The following PPM1L variants were observed in gnomAD, a reference collection of about 807,000 sequenced individuals.
PPM1L encodes the protein protein phosphatase, Mg2+/Mn2+ dependent 1L, also known as protein phosphatase 1L.
Under a neutral mutation model 31.4 loss-of-function variants are expected in PPM1L, and 13 were observed. That is an observed-to-expected ratio of 0.41 (90% CI 0.27 to 0.66). The LOEUF is 0.66. PPM1L is among the 30% of genes least tolerant of loss of function. The pLI is 0.29. For missense variants in PPM1L, 326 were observed against 453.7 expected, an observed-to-expected ratio of 0.72 and a Z score of 2.56; for synonymous variants, 184 against 175.4, an observed-to-expected ratio of 1.05 and a Z score of -0.39.
intron 2 of PPM1L, among the ~76,000 whole-genome samples, chr3:161,032,898 A>C (rs1333170059): frequency 4.2e-5 from 5 of 118,868 alleles, no homozygotes; most frequent in African/African-American, 1.6e-4. Context: ...TTTAGTAGAG[A>C]TGGGGTTTCA....
At chr3:160,948,016 A>T (rs1715463093) in intron 1 of PPM1L, among the ~76,000 whole-genome samples, 1 of 152,192 alleles carries the variant, frequency 6.6e-6, no homozygotes, top group South Asian at 2.1e-4. Context: ...ATTACTTTAT[A>T]GAAGCAGTAA....
intron 1 of PPM1L, among the ~76,000 whole-genome samples, chr3:160,859,353 C>G (rs1268067770): frequency 1.6e-4 from 24 of 152,146 alleles, no homozygotes; most frequent in Non-Finnish European, 1.5e-5. Context: ...CCTTTAAGGT[C>G]TTTCCAGTTT....
intron 1 of PPM1L, among the ~76,000 whole-genome samples, chr3:160,795,892 A>G (rs1043654800): frequency 1.3e-4 from 20 of 152,168 alleles, no homozygotes; most frequent in Non-Finnish European, 2.8e-4. Context: ...CTTTGATCTC[A>G]TAGTGGCTTT....
At chr3:160,779,516 A>C (rs989507038) in intron 1 of PPM1L, among the ~76,000 whole-genome samples, 1 of 151,354 alleles carries the variant, frequency 6.6e-6, no homozygotes, top group Non-Finnish European at 1.5e-5. Flanking sequence ...TCTAACCTTC[A>C]CTCTGCTACT....
In PPM1L at chr3:160,805,890, A is replaced by G. The variant is rs911128831; in HGVS notation, c.399+49183A>G. On this transcript the variant is annotated intron_variant, in intron 1 of 3. Transcript: ENST00000498165. ...GCATTTAAAAACCTGTAAGTTTCAC[A>G]TAAGGACCAGATTCTCAGCATCTCT... 5.9e-5 allele frequency among the ~76,000 whole-genome samples: 9 copies of G among 152,312 alleles called. No homozygotes were observed. In the South Asian group the frequency reaches 6.2e-4, roughly 11 times the overall value.
At chr3:161,003,447 G>A (rs1172641988) in intron 2 of PPM1L, among the ~76,000 whole-genome samples, 10 of 151,660 alleles carry the variant, frequency 6.6e-5, no homozygotes, top group South Asian at 2.1e-4. Context: ...CCATTTTCAC[G>A]ATATTGATTC....
At chr3:160,971,592 A>T (rs773064808) in intron 2 of PPM1L, among the ~76,000 whole-genome samples, 9 of 152,330 alleles carry the variant, frequency 5.9e-5, no homozygotes, top group African/African-American at 2.2e-4. Context: ...TCAGAAAATC[A>T]TGAGAGAACC....
intron 1 of PPM1L, among the ~76,000 whole-genome samples, chr3:160,945,483 T>C (rs1195654920): frequency 6.6e-6 from 1 of 152,092 alleles, no homozygotes; most frequent in Non-Finnish European, 1.5e-5. Context: ...TGAGAAGGAA[T>C]CTCAGGGTCA....
chr3:160,769,966 G>T (rs1715207246), intron 1 of PPM1L, among the ~76,000 whole-genome samples: 1 of 152,052 alleles, frequency 6.6e-6, no homozygotes, highest in Non-Finnish European at 1.5e-5. Context: ...AGTGTACTTG[G>T]AGTAAATTCT....
chr3:160,805,599 G>A (rs1239637554), intron 1 of PPM1L, among the ~76,000 whole-genome samples: 1 of 152,138 alleles, frequency 6.6e-6, no homozygotes, highest in Non-Finnish European at 1.5e-5. Context: ...GCAGGTGCCT[G>A]TAATCCCAGC....
At chr3:160,788,780 A>G (rs974068736) in intron 1 of PPM1L, among the ~76,000 whole-genome samples, 3 of 152,070 alleles carry the variant, frequency 2.0e-5, no homozygotes, top group African/African-American at 7.2e-5. Context: ...AGCTTGCTAT[A>G]ATAATCCATC....
At chr3:160,856,009 G>A (rs1317530625) in intron 1 of PPM1L, among the ~76,000 whole-genome samples, 1 of 152,110 alleles carries the variant, frequency 6.6e-6, no homozygotes, top group African/African-American at 2.4e-5. Flanking sequence ...GCTAGTCTGA[G>A]TCCCAAAGCT....
chr3:161,039,886 A>C (rs2108088263), intron 2 of PPM1L, among the ~76,000 whole-genome samples: 1 of 152,338 alleles, frequency 6.6e-6, no homozygotes, highest in South Asian at 2.1e-4. Flanking sequence ...GCATTGAAAG[A>C]ACCTGCTTCC....
At chr3:160,841,898 A>C (rs575083646) in intron 1 of PPM1L, among the ~76,000 whole-genome samples, 72 of 152,334 alleles carry the variant, frequency 4.7e-4, no homozygotes, top group African/African-American at 1.7e-3. Context: ...CAACTTGTTT[A>C]GCTTCCTTGC....
At chr3:160,845,989 C>A (rs970072072) in intron 1 of PPM1L, among the ~76,000 whole-genome samples, 1 of 151,902 alleles carries the variant, frequency 6.6e-6, no homozygotes, top group Admixed American at 6.6e-5. Context: ...GTACCACCTC[C>A]ATTTTTCCAA....
chr3:160,924,570 A>G (rs1321641579), intron 1 of PPM1L, among the ~76,000 whole-genome samples: 1 of 152,248 alleles, frequency 6.6e-6, no homozygotes, highest in Non-Finnish European at 1.5e-5. Context: ...CCAGGACAAT[A>G]TAAAATAGTT....
chr3:160,988,411 T>C (rs1717034105), intron 2 of PPM1L, among the ~76,000 whole-genome samples: 1 of 152,194 alleles, frequency 6.6e-6, no homozygotes, highest in Non-Finnish European at 1.5e-5. Flanking sequence ...TTTCCACCTT[T>C]TAGAAGCAGA....
chr3:160,981,704 C>G (rs1241838050), intron 2 of PPM1L, among the ~76,000 whole-genome samples: 1 of 151,742 alleles, frequency 6.6e-6, no homozygotes, highest in Non-Finnish European at 1.5e-5. Flanking sequence ...TCCACTCTCT[C>G]TTCTACTATT....
chr3:160,881,363 G>A (rs1316935385), intron 1 of PPM1L, among the ~76,000 whole-genome samples: 1 of 152,082 alleles, frequency 6.6e-6, no homozygotes, highest in African/African-American at 2.4e-5. Context: ...CTGAATTACT[G>A]TATTGTCAGT....
Sources: gnomAD v4.1 joint callset for allele counts (sites outside exome capture counted in the v4.1 genomes callset) on GRCh38, gnomAD v4.1.1 for gene constraint, MANE v1.5 for transcripts, NCBI Gene and HGNC (gene_info 2026-07-23, HGNC 2026-07-21) for gene names.